Variants in PPARGC1A observed in about 807,000 individuals in gnomAD.
The protein encoded by PPARGC1A is peroxisome proliferator-activated receptor gamma coactivator 1-alpha.
A neutral mutation model predicts 88.7 loss-of-function variants in PPARGC1A; 25 were observed. The ratio of observed to expected loss-of-function variants is 0.28; its 90% CI spans 0.21 to 0.39. The LOEUF (loss-of-function observed/expected upper bound fraction) is 0.39, where lower values mean the gene tolerates loss of function less well. Ranked by LOEUF, PPARGC1A falls within the 10% of genes least tolerant of loss-of-function variation. The pLI is 1.00. For missense variants in PPARGC1A, 880 were observed against 968.7 expected (o/e 0.91, Z 1.22); for synonymous variants, 363 against 355.6 (o/e 1.02, Z -0.24).
the PPARGC1A span, among the ~76,000 whole-genome samples, chr4:24,122,197 T>C: frequency 6.6e-6 from 1 of 152,204 alleles, no homozygotes; most frequent in South Asian, 2.1e-4. Context: ...TCTTTTCTGC[T>C]GTGTCTGACT....
At chr4:24,150,678 C>T in the PPARGC1A span, among the ~76,000 whole-genome samples, 4 of 152,096 alleles carry the variant, frequency 2.6e-5, no homozygotes, top group African/African-American at 7.2e-5. Flanking sequence ...TTTTCAGTGC[C>T]GTGGGCATTA....
chr4:24,008,788 T>C, the PPARGC1A span, among the ~76,000 whole-genome samples: 2 of 152,130 alleles, frequency 1.3e-5, no homozygotes, highest in Non-Finnish European at 2.9e-5. Context: ...CAGTTCCCTG[T>C]TAATTTTGTT....
At chr4:24,244,095 C>T in the PPARGC1A span, among the ~76,000 whole-genome samples, 1 of 152,278 alleles carries the variant, frequency 6.6e-6, no homozygotes, top group South Asian at 2.1e-4. Context: ...AATAATCCCA[C>T]CAGGAAACTT....
chr4:24,006,336 A>G, the PPARGC1A span, among the ~76,000 whole-genome samples: 3 of 152,316 alleles, frequency 2.0e-5, no homozygotes, highest in Middle Eastern at 3.4e-3. Context: ...GGCATGAGGC[A>G]CTGTGCCCGG....
At chr4:24,322,602 G>C in the PPARGC1A span, among the ~76,000 whole-genome samples, 1 of 152,216 alleles carries the variant, frequency 6.6e-6, no homozygotes, top group Non-Finnish European at 1.5e-5. Context: ...ACAGTGTTGT[G>C]CTGGAACAGG....
At chr4:24,438,837 A>G in the PPARGC1A span, among the ~76,000 whole-genome samples, 14 of 151,970 alleles carry the variant, frequency 9.2e-5, no homozygotes, top group Middle Eastern at 3.4e-3. Context: ...CATCTAGTAT[A>G]CTGGCCTCCA....
At chr4:24,108,685 C>G in the PPARGC1A span, among the ~76,000 whole-genome samples, 1 of 152,034 alleles carries the variant, frequency 6.6e-6, no homozygotes, top group Non-Finnish European at 1.5e-5. Flanking sequence ...AAGATCTCAG[C>G]GCTGAATCCA....
At chr4:24,346,176 G>C in the PPARGC1A span, among the ~76,000 whole-genome samples, 4 of 152,122 alleles carry the variant, frequency 2.6e-5, no homozygotes, top group Admixed American at 2.6e-4. Flanking sequence ...GTCAGATTCT[G>C]TTAGCTAGTA....
At chr4:23,965,147 C>G in the PPARGC1A span, among the ~76,000 whole-genome samples, 1 of 152,182 alleles carries the variant, frequency 6.6e-6, no homozygotes, top group Non-Finnish European at 1.5e-5. Context: ...ATCTCAAAGA[C>G]TCTCTCCTCC....
the PPARGC1A span, among the ~76,000 whole-genome samples, chr4:24,082,886 G>C: frequency 6.6e-6 from 1 of 152,054 alleles, no homozygotes; most frequent in Admixed American, 6.5e-5. Flanking sequence ...AACATAAAAG[G>C]CAAAGATACC....
At chr4:24,376,205 A>G in the PPARGC1A span, among the ~76,000 whole-genome samples, 1 of 152,214 alleles carries the variant, frequency 6.6e-6, no homozygotes, top group Non-Finnish European at 1.5e-5. Context: ...TAGCACACAT[A>G]AGCATATACG....
At chr4:24,288,467 G>C in the PPARGC1A span, among the ~76,000 whole-genome samples, 1 of 152,186 alleles carries the variant, frequency 6.6e-6, no homozygotes, top group Non-Finnish European at 1.5e-5. Flanking sequence ...AGTAGTCCCA[G>C]GAATAACTAT....
chr4:24,306,595 T>C, the PPARGC1A span, among the ~76,000 whole-genome samples: 1 of 152,196 alleles, frequency 6.6e-6, no homozygotes, highest in African/African-American at 2.4e-5. Flanking sequence ...TACGGCTTGA[T>C]TGAAAATATT....
chr4:24,114,949 A>G, the PPARGC1A span, among the ~76,000 whole-genome samples: 53 of 152,302 alleles, frequency 3.5e-4, no homozygotes, highest in Non-Finnish European at 6.3e-4. Context: ...TTTATTTCAT[A>G]CTTTAAGAAA....
At chr4:24,181,861 C>G in the PPARGC1A span, among the ~76,000 whole-genome samples, 2 of 152,116 alleles carry the variant, frequency 1.3e-5, no homozygotes, top group African/African-American at 4.8e-5. Context: ...GAAACAGCAG[C>G]GCAAAAGCCA....
chr4:23,887,503 C>T (rs1161965566), intron 1 of PPARGC1A, among the ~76,000 whole-genome samples: 2 of 152,174 alleles, frequency 1.3e-5, no homozygotes, highest in Non-Finnish European at 2.9e-5. Context: ...ATTCTACTGC[C>T]TCTTTGCAAC....
the PPARGC1A span, among the ~76,000 whole-genome samples, chr4:24,229,203 G>T: frequency 9.2e-6 from 1 of 109,056 alleles, no homozygotes; most frequent in Non-Finnish European, 1.8e-5. Flanking sequence ...ACCCAGGCTG[G>T]AGTACAGTGG....
chr4:23,874,228 A>T (rs1714204893), intron 2 of PPARGC1A, among the ~76,000 whole-genome samples: 1 of 152,238 alleles, frequency 6.6e-6, no homozygotes, highest in South Asian at 2.1e-4. Flanking sequence ...AATATGAAAC[A>T]GTATACACTT....
chr4:24,437,320 G>A, the PPARGC1A span, among the ~76,000 whole-genome samples: 5 of 152,148 alleles, frequency 3.3e-5, no homozygotes, highest in African/African-American at 9.7e-5. Context: ...CAGTGGCCAC[G>A]TTAGCTGGGG....
Sources: gnomAD v4.1 joint callset for allele counts (sites outside exome capture counted in the v4.1 genomes callset) on GRCh38, gnomAD v4.1.1 for gene constraint, MANE v1.5 for transcripts, NCBI Gene and HGNC (gene_info 2026-07-23, HGNC 2026-07-21) for gene names.